Variants in JMJD1C observed in about 807,000 individuals in gnomAD.
JMJD1C encodes the protein jumonji domain containing 1C.
In JMJD1C, 31 loss-of-function variants were observed where a neutral mutation model predicts 245.3. The observed-to-expected ratio is 0.13, with a 90% CI of 0.09 to 0.17. The LOEUF is 0.17. Among genes scored for constraint, JMJD1C ranks in the 10% least tolerant of loss-of-function variants. JMJD1C has a pLI of 1.00. For missense variants in JMJD1C, 2,691 were observed against 3,000.2 expected, an observed-to-expected ratio of 0.90 and a Z score of 2.41; for synonymous variants, 1,057 against 1,017.4, an observed-to-expected ratio of 1.04 and a Z score of -0.74.
rs1454563341 is a variant in JMJD1C, at chr10:63,215,121, A to G, written c.1046T>C (p.Met349Thr). Residue 349 changes from methionine to threonine, a missense_variant, in exon 8 of 26, where the codon ATG becomes ACG. By Grantham distance (81) the Met-to-Thr change is moderately conservative (BLOSUM62 -1). Transcript: ENST00000399262. ...CTCCTCAGGTTTCCTTCTTTTATTC[A>G]TCAAGTGTTTGTTTTTACCTTTAGG... Reference protein sequence around the residue: ...ENPKGKNKHLMNKRRKPEEDE... With the variant: ...ENPKGKNKHLTNKRRKPEEDE... 1 of 1,570,012 alleles carries G rather than the reference A, an allele frequency of 6.4e-7. No homozygotes were observed. The highest frequency in any genetic ancestry group is 2.0e-5 in the Admixed American group (1 of 49,436).
At chr10:63,393,078 G>A (rs762810020) in intron 1 of JMJD1C, among the ~76,000 whole-genome samples, 3 of 151,952 alleles carry the variant, frequency 2.0e-5, no homozygotes. Context: ...GCCAGCCTGG[G>A]CAACATGGTG....
intron 3 of JMJD1C, chr10:63,222,221 AG>A: frequency 1.3e-6 from 1 of 769,140 alleles, no homozygotes; most frequent in Non-Finnish European, 2.4e-6. Flanking sequence ...AGGAATTTAT[AG>A]GGGGGTTCAA....
intron 2 of JMJD1C, among the ~76,000 whole-genome samples, chr10:63,358,186 C>T (rs1294605448): frequency 6.6e-6 from 1 of 152,072 alleles, no homozygotes; most frequent in Admixed American, 6.6e-5. Flanking sequence ...TGATTCCAAA[C>T]TATCATCTAT....
Position 63,405,129 on chromosome 10 carries a change from T to A in JMJD1C, c.169-24647A>T, listed in dbSNP as rs531846149. Among the ~76,000 whole-genome samples, 4 of 152,292 alleles carry A rather than the reference T, an allele frequency of 2.6e-5. No homozygotes were observed. The South Asian group carries it at 8.3e-4, about 32-fold the overall frequency. On this transcript the variant is annotated intron_variant, in intron 1 of 25. Coordinates refer to ENST00000399262, the MANE Select transcript of JMJD1C (RefSeq NM_032776.3). Reference sequence around the variant, plus strand: ...ATTTAAGAAGTTTATACAACACATGTATGTACATTCTCTCACTTCATTTTT... The same window carrying A: ...ATTTAAGAAGTTTATACAACACATGAATGTACATTCTCTCACTTCATTTTT...
intron 22 of JMJD1C, among the ~76,000 whole-genome samples, chr10:63,178,253 TTA>T (rs1843050582): frequency 2.0e-5 from 3 of 152,158 alleles, no homozygotes; most frequent in African/African-American, 7.2e-5. Context: ...ATCAGTACTC[TTA>T]AAAAAGAGTC....
At chr10:63,477,948 T>C (rs1171834912) in intron 1 of JMJD1C, among the ~76,000 whole-genome samples, 1 of 152,130 alleles carries the variant, frequency 6.6e-6, no homozygotes, top group Non-Finnish European at 1.5e-5. Context: ...AAATAAGATA[T>C]GCAAGTGGCA....
At chr10:63,272,551 C>T (rs749102121) in intron 2 of JMJD1C, among the ~76,000 whole-genome samples, 6 of 152,166 alleles carry the variant, frequency 3.9e-5, no homozygotes, top group African/African-American at 7.2e-5. Flanking sequence ...TGCTCCCAGC[C>T]AAGGTAACTT....
At chr10:63,290,311 A>G (rs1387579330) in intron 2 of JMJD1C, among the ~76,000 whole-genome samples, 2 of 152,090 alleles carry the variant, frequency 1.3e-5, no homozygotes, top group Non-Finnish European at 1.5e-5. Context: ...GCTCACACCT[A>G]TAATTCCAGC....
At position 63,200,687 on chromosome 10, in the gene JMJD1C, C is replaced by T. The variant is rs781064752; in HGVS notation, c.5075-10G>A. ...GAACGAGGAATGCCAGCTGTAAAAT[C>T]AGTAGGAAAGTTTTAGCAAGATTAT... On this transcript the variant is annotated splice_polypyrimidine_tract_variant and intron_variant, in intron 10 of 25. Transcript: ENST00000399262. 7.4e-6 allele frequency: 12 copies of T among 1,612,878 alleles called. No homozygotes were observed. The highest frequency in any genetic ancestry group is 1.0e-5 in the Non-Finnish European group (12 of 1,179,174).
In JMJD1C at chr10:63,194,275, G is replaced by C; in HGVS notation, c.5734+11C>G. The C allele has an allele frequency of 6.4e-7, 1 of 1,556,638 alleles. No individual in the cohort carries two copies. Among genetic ancestry groups the C allele is most frequent in the South Asian group, 1.1e-5 (1 of 89,812 alleles). On this transcript the variant is annotated intron_variant, in intron 14 of 25. Transcript: ENST00000399262. ...AAGAGCAGTTATATTACATGAAGAA[G>C]ATATACTTACCAGAACCAGGTATAA...
intron 1 of JMJD1C, among the ~76,000 whole-genome samples, chr10:63,395,742 A>T (rs1291119962): frequency 6.6e-6 from 1 of 152,230 alleles, no homozygotes; most frequent in African/African-American, 2.4e-5. Context: ...TGTAGCAGAT[A>T]ATATAATGAA....
At chr10:63,364,526 C>T (rs565428449) in intron 2 of JMJD1C, among the ~76,000 whole-genome samples, 1 of 152,148 alleles carries the variant, frequency 6.6e-6, no homozygotes, top group South Asian at 2.1e-4. Flanking sequence ...TTGAGACAGG[C>T]TCTCACTCTG....
At chr10:63,394,858 A>AG (rs60525682) in intron 1 of JMJD1C, among the ~76,000 whole-genome samples, 38 of 151,502 alleles carry the variant, frequency 2.5e-4, no homozygotes, top group African/African-American at 9.2e-4. Flanking sequence ...AAAAAAAAAA[A>AG]GTGATGTTAG....
chr10:63,168,454 T>C lies in JMJD1C; in HGVS notation c.7514A>G (p.Asn2505Ser). ...QELRLLKEEI[N>S]YDDKLQVKNI... ...TCTTACCTGTAGTTTATCATCATAA[T>C]TGATTTCTTCCTTCAAAAGTCTCAG... The change falls in exon 25 of 26, where the codon AAT becomes AGT. Residue 2505 changes from asparagine to serine, a missense_variant. Asn to Ser is a conservative substitution (Grantham distance 46). Around this residue, in one of 9 missense-constraint regions of JMJD1C, gnomAD observed 232 missense variants for 416.1 expected, o/e 0.56. Transcript: ENST00000399262. 1 of 1,608,776 alleles carries C rather than the reference T, an allele frequency of 6.2e-7. No homozygotes were observed. Among genetic ancestry groups the C allele is most frequent in the Non-Finnish European group, 8.5e-7 (1 of 1,178,304 alleles).
At chr10:63,187,036 C>CA (rs1047237132) in intron 18 of JMJD1C, among the ~76,000 whole-genome samples, 4 of 151,766 alleles carry the variant, frequency 2.6e-5, no homozygotes, top group African/African-American at 7.2e-5. Context: ...AACAAACAAA[C>CA]AAAAAATTTA....
Position 63,207,627 on chromosome 10 carries a change from C to G in JMJD1C, c.4042G>C (p.Ala1348Pro), listed in dbSNP as rs1229879320. 6.2e-7 allele frequency: 1 copy of G among 1,614,032 alleles called. No individual in the cohort carries two copies. Among genetic ancestry groups the G allele is most frequent in the African/African-American group, 1.3e-5 (1 of 74,928 alleles). The change falls in exon 10 of 26, where the codon GCC (alanine) becomes CCC (proline). Residue 1348 changes from alanine (A) to proline (P), a missense_variant. Ala to Pro is a conservative substitution (Grantham distance 27). Coordinates refer to ENST00000399262, the MANE Select transcript of JMJD1C (RefSeq NM_032776.3). ...HKTDCLKLAE[A>P]GETGRIILPN... ...AAAATGATTCTTCCAGTTTCTCCGG[C>G]TTCTGCTAGTTTGAGGCAATCTGTT...
chr10:63,461,461 C>G (rs1952794338), intron 1 of JMJD1C, among the ~76,000 whole-genome samples: 7 of 152,038 alleles, frequency 4.6e-5, no homozygotes, highest in Admixed American at 4.6e-4. Flanking sequence ...AATGAGAAAA[C>G]TAAGCAGAAA....
At chr10:63,292,432 G>A (rs1056064486) in intron 2 of JMJD1C, among the ~76,000 whole-genome samples, 18 of 151,792 alleles carry the variant, frequency 1.2e-4, no homozygotes, top group Admixed American at 5.3e-4. Context: ...CCAACATGGC[G>A]AAACCCCGTC....
chr10:63,400,549 A>C (rs961399580), intron 1 of JMJD1C, among the ~76,000 whole-genome samples: 2 of 151,674 alleles, frequency 1.3e-5, no homozygotes, highest in Non-Finnish European at 1.5e-5. Flanking sequence ...TCTTGAGTTT[A>C]CTTTGTTCTT....
Sources: gnomAD v4.1 joint callset for allele counts (sites outside exome capture counted in the v4.1 genomes callset) on GRCh38, gnomAD v4.1.1 for gene constraint, gnomAD v4.1.1 regional missense constraint, MANE v1.5 for transcripts, NCBI Gene and HGNC (gene_info 2026-07-23, HGNC 2026-07-21) for gene names.